The following PSMD6 variants were observed in gnomAD, a reference collection of about 807,000 sequenced individuals.
PSMD6 encodes the protein proteasome 26S subunit, non-ATPase 6, also known as 26S proteasome non-ATPase regulatory subunit 6.
In PSMD6, 7 loss-of-function variants were observed where a neutral mutation model predicts 44.9. The ratio of observed to expected loss-of-function variants is 0.16; its 90% CI spans 0.09 to 0.29. PSMD6 has a LOEUF of 0.29. PSMD6 is among the 10% of genes least tolerant of loss of function. The pLI, the probability that PSMD6 is intolerant of heterozygous loss-of-function variation, is 1.00. For synonymous variants in PSMD6, 184 were observed against 172.7 expected (o/e 1.07, Z -0.51); for missense variants, 420 against 482.6 (o/e 0.87, Z 1.21).
At chr3:64,017,884 G>C (rs922298047) in intron 5 of PSMD6, among the ~76,000 whole-genome samples, 1 of 152,134 alleles carries the variant, frequency 6.6e-6, no homozygotes, top group African/African-American at 2.4e-5. Context: ...AAAGACCCCT[G>C]GGTCAACTTG....
chr3:64,023,449 CACAACTTG>C lies in PSMD6; in HGVS notation c.-38_-31del. Reference sequence around the variant, plus strand: ...GCGAAGGGGACAGCGGCTGACAGGACACAACTTGGTTACGACCGGCTGCGGCAGCGGAA... The same window carrying C: ...GCGAAGGGGACAGCGGCTGACAGGACGTTACGACCGGCTGCGGCAGCGGAA... On this transcript the variant is annotated 5_prime_UTR_variant, in exon 1 of 8. Coordinates refer to ENST00000295901, the MANE Select transcript of PSMD6 (RefSeq NM_014814.3). 6.4e-7 allele frequency: 1 copy of C among 1,566,126 alleles called. No homozygotes were observed. The highest frequency in any genetic ancestry group is 8.7e-7 in the Non-Finnish European group (1 of 1,150,020).
At chr3:64,022,590 T>C (rs746093274) in intron 1 of PSMD6, 67 bp from the exon 2 acceptor site, 67 of 1,575,426 alleles carry the variant, frequency 4.3e-5, no homozygotes, top group Admixed American at 1.8e-4. Context: ...TCTGCCCACG[T>C]ATTTCACCCC....
In PSMD6 at chr3:64,023,312, G is replaced by C. The variant is rs147103159; in HGVS notation, c.108C>G (p.Ala36=). 13 of 1,592,238 alleles carry C rather than the reference G, an allele frequency of 8.2e-6. No homozygotes were observed. Among genetic ancestry groups the C allele is most frequent in the Admixed American group, 7.1e-5 (4 of 56,620 alleles). ...CGGCCGCCATCAGCTCGTCGCGCAC[G>C]GCAGCGTCTCCGCGGTGCTCGGGCA... ...LSLPEHRGDA[A]VRDELMAAVR... is the part of the protein sequence containing the mutation. Residue 36 remains alanine, a synonymous_variant, in exon 1 of 8, where the codon GCC becomes GCG. Transcript: ENST00000295901.
Position 64,013,549 on chromosome 3 carries a change from A to G in PSMD6, c.885T>C (p.Tyr295=), listed in dbSNP as rs1419310249. ...DWLFAPHYRY[Y]VREMRIHAYS... is the part of the protein sequence containing the mutation. The stretch of plus-strand genomic sequence containing the variant: ...ATGCATGAATTCTCATTTCTCTTAC[A>G]TAGTATCGATAATGAGGGGCAAAAA... Residue 295 remains tyrosine (Y), a synonymous_variant, in exon 6 of 8, where the codon TAT becomes TAC. Coordinates refer to ENST00000295901, the MANE Select transcript of PSMD6 (RefSeq NM_014814.3). The G allele has an allele frequency of 5.7e-5, 92 of 1,613,322 alleles. No individual in the cohort carries two copies. Among genetic ancestry groups the G allele is most frequent in the Non-Finnish European group, 7.8e-5 (92 of 1,179,674 alleles).
At chr3:64,016,111 C>T (rs1484299794) in intron 5 of PSMD6, 34 of 151,942 alleles carry the variant, frequency 2.2e-4, no homozygotes, top group Admixed American at 1.8e-3. Context: ...GGCATGAACC[C>T]GGGAGGCGGA....
At position 64,022,375 on chromosome 3, in the gene PSMD6, G is replaced by A. The variant is rs1559679352; in HGVS notation, c.294C>T (p.Ser98=). The A allele has an allele frequency of 3.7e-6, 6 of 1,614,002 alleles. No homozygotes were observed. Among genetic ancestry groups the A allele is most frequent in the Admixed American group, 3.3e-5 (2 of 59,996 alleles). The part of the protein sequence containing the change: ...LEDAEKNLGE[S]EIRDAMMAKA... The stretch of plus-strand genomic sequence containing the variant: ...TTGCCATCATTGCATCGCGAATTTC[G>A]CTCTCTCCTAGATTCTTCTCTGCAT... The change falls in exon 2 of 8, where the codon AGC becomes AGT. Residue 98 remains serine, a synonymous_variant. Coordinates refer to ENST00000295901, the MANE Select transcript of PSMD6 (RefSeq NM_014814.3).
upstream of PSMD6, chr3:64,023,600 C>T (rs767312484): frequency 2.6e-5 from 37 of 1,410,302 alleles, no homozygotes; most frequent in Admixed American, 3.2e-5. Context: ...TGGGCGCCTG[C>T]GCCCCTGTGT....
In PSMD6 at chr3:64,015,456, T is replaced by C. The variant is rs114622712; in HGVS notation, c.827-1849A>G. On this transcript the variant is annotated intron_variant, in intron 5 of 7. Coordinates refer to ENST00000295901, the MANE Select transcript of PSMD6 (RefSeq NM_014814.3). ...GATAAATTATGGCATAGCCAATACA[T>C]TGAAATACTAGGAAGTCCTTAAGAA... 3.7e-3 allele frequency: 565 copies of C among 152,282 alleles called. 3 individuals are homozygous for C. Among genetic ancestry groups the C allele is most frequent in the African/African-American group, 0.013 (535 of 41,566 alleles). 9.4% of individuals were successfully genotyped at this position (152,282 alleles called of 1,614,324 possible). A position where few individuals can be genotyped will look rare whatever the true frequency, so the allele number is the denominator to read the frequency against.
chr3:64,016,283 G>A (rs1267873191), intron 5 of PSMD6: 1 of 152,076 alleles, frequency 6.6e-6, no homozygotes, highest in Non-Finnish European at 1.5e-5. Flanking sequence ...GAGTGAATGT[G>A]TGTATGGATT....
chr3:64,023,613 T>G, upstream of PSMD6: 2 of 1,416,002 alleles, frequency 1.4e-6, no homozygotes, highest in Non-Finnish European at 1.8e-6. Flanking sequence ...CCCTGTGTGG[T>G]CACGGGGGCT....
intron 5 of PSMD6, chr3:64,015,404 A>C (rs915864772): frequency 6.6e-6 from 1 of 152,232 alleles, no homozygotes; most frequent in Admixed American, 6.5e-5. Context: ...GCAAAACTGG[A>C]AACGACCTCG....
chr3:64,016,300 T>C (rs535445012), intron 5 of PSMD6: 64 of 152,018 alleles, frequency 4.2e-4, no homozygotes, highest in African/African-American at 1.4e-3. Context: ...GATTTGGGGG[T>C]GAGGTGAGAT....
intron 5 of PSMD6, chr3:64,016,496 A>G (rs2076046394): frequency 6.6e-6 from 1 of 152,142 alleles, no homozygotes; most frequent in South Asian, 2.1e-4. Context: ...CAGAAATTCT[A>G]GTTAGCAAAG....
Position 64,010,752 on chromosome 3 carries a change from CTTG to C in PSMD6, c.1083_1085del (p.Ser361_Lys362delinsArg). 6.2e-7 allele frequency: 1 copy of C among 1,607,702 alleles called. No individual in the cohort carries two copies. Among genetic ancestry groups the C allele is most frequent in the Non-Finnish European group, 8.5e-7 (1 of 1,175,742 alleles). On this transcript the variant is annotated inframe_deletion, in exon 8 of 8. Coordinates refer to ENST00000295901, the MANE Select transcript of PSMD6 (RefSeq NM_014814.3). ...TGATAGTTTCTTGGTACTGCCAGTT[CTTG>C]CTATCAGGTCTATAAATAAATTCAA...
chr3:64,019,651 T>C, intron 2 of PSMD6: 1 of 466,522 alleles, frequency 2.1e-6, no homozygotes, highest in Non-Finnish European at 3.7e-6. Flanking sequence ...GTTTAAAAAA[T>C]ACATAAGAAA....
chr3:64,023,697 T>A, upstream of PSMD6: 1 of 1,475,036 alleles, frequency 6.8e-7, no homozygotes, highest in Non-Finnish European at 9.0e-7. Context: ...TTCTTGAATC[T>A]CTTTCTCACT....
upstream of PSMD6, chr3:64,023,783 C>T (rs1229253373): frequency 1.4e-6 from 2 of 1,471,276 alleles, no homozygotes; most frequent in South Asian, 1.2e-5. Context: ...AATGTAATAA[C>T]AGCATTAATA....
intron 5 of PSMD6, 167 bp downstream of exon 5, chr3:64,018,432 A>G: frequency 3.7e-6 from 2 of 539,668 alleles, no homozygotes; most frequent in South Asian, 5.2e-5. Context: ...CAATCTGATG[A>G]CCCTTCTTCT....
upstream of PSMD6, chr3:64,023,840 T>C: frequency 6.8e-7 from 1 of 1,465,836 alleles, no homozygotes; most frequent in East Asian, 2.5e-5. Context: ...ATTCATCTTA[T>C]TAAAATCATC....
Sources: gnomAD v4.1 joint callset for allele counts (sites outside exome capture counted in the v4.1 genomes callset) on GRCh38, gnomAD v4.1.1 for gene constraint, MANE v1.5 for transcripts, NCBI Gene and HGNC (gene_info 2026-07-23, HGNC 2026-07-21) for gene names.